The following PPP2R2B variants were observed in gnomAD, a reference collection of about 807,000 sequenced individuals.
PPP2R2B encodes protein phosphatase 2 regulatory subunit Bbeta.
In PPP2R2B, 5 loss-of-function variants were observed where a neutral mutation model predicts 46.0. The observed-to-expected ratio is 0.11, with a 90% CI of 0.06 to 0.23. The LOEUF is 0.23. PPP2R2B is among the 10% of genes least tolerant of loss of function. The pLI is 1.00. For missense variants in PPP2R2B, 367 were observed against 575.0 expected, an observed-to-expected ratio of 0.64 and a Z score of 3.70; for synonymous variants, 215 against 206.7, an observed-to-expected ratio of 1.04 and a Z score of -0.34.
At chr5:146,778,815 T>C (rs1411090697) in intron 2 of PPP2R2B, among the ~76,000 whole-genome samples, 1 of 152,200 alleles carries the variant, frequency 6.6e-6, no homozygotes, top group South Asian at 2.1e-4. Context: ...AATCAACACA[T>C]CTGTGCTTTA....
chr5:146,948,143 ACTGT>A (rs939014756), intron 1 of PPP2R2B, among the ~76,000 whole-genome samples: 2 of 151,988 alleles, frequency 1.3e-5, no homozygotes, highest in Non-Finnish European at 2.9e-5. Context: ...ACTTTTTGAG[ACTGT>A]CTGTCTCTCC....
intron 2 of PPP2R2B, among the ~76,000 whole-genome samples, chr5:146,733,478 G>T (rs1404616523): frequency 2.0e-5 from 3 of 152,132 alleles, no homozygotes; most frequent in Non-Finnish European, 4.4e-5. Flanking sequence ...GTAAATAGAA[G>T]ACTACCCATT....
At chr5:146,895,625 T>A (rs1300152520) in intron 1 of PPP2R2B, among the ~76,000 whole-genome samples, 1 of 152,224 alleles carries the variant, frequency 6.6e-6, no homozygotes, top group Non-Finnish European at 1.5e-5. Context: ...AGACTATAAC[T>A]GATTTCTTTC....
intron 1 of PPP2R2B, among the ~76,000 whole-genome samples, chr5:146,928,335 C>T (rs1054554580): frequency 1.3e-5 from 2 of 151,884 alleles, no homozygotes; most frequent in African/African-American, 4.8e-5. Context: ...GCCATCTCCA[C>T]TTGGAAATCT....
chr5:146,719,887 C>A (rs1354749576), intron 2 of PPP2R2B, among the ~76,000 whole-genome samples: 1 of 152,076 alleles, frequency 6.6e-6, no homozygotes, highest in African/African-American at 2.4e-5. Flanking sequence ...CAACATCAAG[C>A]TGGCATTCCC....
intron 1 of PPP2R2B, among the ~76,000 whole-genome samples, chr5:147,014,367 C>G (rs1448455903): frequency 6.7e-6 from 1 of 149,214 alleles, no homozygotes; most frequent in Non-Finnish European, 1.5e-5. Context: ...ACCATTTGAC[C>G]CAGCCATCCC....
At chr5:146,882,248 A>G (rs1293056595), upstream of PPP2R2B, among the ~76,000 whole-genome samples, 4 of 152,022 alleles carry the variant, frequency 2.6e-5, no homozygotes, top group East Asian at 1.9e-4. Flanking sequence ...CCTGGGAGAC[A>G]GAGCAAGACT....
chr5:147,030,595 G>T lies in PPP2R2B; in HGVS notation c.79+25070C>A, dbSNP rs184256889. On this transcript the variant is annotated intron_variant, in intron 1 of 8. Transcript: ENST00000336640. ...GGCTAGGAATGTATTTTTAACTTCT[G>T]AAATTTCCCTCTATTAGCTTGTAAC... Among the ~76,000 whole-genome samples the T allele has an allele frequency of 1.5e-4, 23 of 152,032 alleles. No individual in the cohort carries two copies. In the East Asian group the frequency reaches 4.5e-3, roughly 29 times the overall value.
At chr5:146,853,943 G>A (rs1237381789) in intron 2 of PPP2R2B, among the ~76,000 whole-genome samples, 3 of 151,806 alleles carry the variant, frequency 2.0e-5, no homozygotes, top group South Asian at 2.1e-4. Flanking sequence ...ACATTCTCTT[G>A]TACTTCCTCC....
chr5:146,637,992 ATTT>A (rs1774932435), intron 7 of PPP2R2B, among the ~76,000 whole-genome samples: 1 of 152,166 alleles, frequency 6.6e-6, no homozygotes, highest in Non-Finnish European at 1.5e-5. Context: ...TTAACACATA[ATTT>A]GGATCACATC....
At chr5:147,058,218 T>G (rs1340608391), upstream of PPP2R2B, among the ~76,000 whole-genome samples, 3 of 152,320 alleles carry the variant, frequency 2.0e-5, no homozygotes, top group East Asian at 5.8e-4. Context: ...AGATATTTTA[T>G]ACTTTTTATG....
chr5:147,025,610 T>C lies in PPP2R2B; in HGVS notation c.79+30055A>G, dbSNP rs536714340. 2.7e-4 allele frequency among the ~76,000 whole-genome samples: 41 copies of C among 152,088 alleles called. No individual in the cohort carries two copies. In the South Asian group the frequency reaches 7.5e-3, roughly 28 times the overall value. Reference sequence around the variant, plus strand: ...TTAAAAACTTCTGCTATGTAAAAGATACCGTGAAGAGAATGAAAAGATAAA... The same window carrying C: ...TTAAAAACTTCTGCTATGTAAAAGACACCGTGAAGAGAATGAAAAGATAAA... On this transcript the variant is annotated intron_variant, in intron 1 of 8. Coordinates refer to the PPP2R2B transcript ENST00000336640.
At chr5:146,744,439 A>C (rs574315092) in intron 2 of PPP2R2B, among the ~76,000 whole-genome samples, 37 of 152,340 alleles carry the variant, frequency 2.4e-4, no homozygotes, top group African/African-American at 8.7e-4. Context: ...CACAGAATTC[A>C]TTCTCTTTCC....
intron 1 of PPP2R2B, among the ~76,000 whole-genome samples, chr5:147,051,036 G>A (rs116139214): frequency 4.1e-3 from 626 of 152,150 alleles, no homozygotes; most frequent in African/African-American, 0.014. Flanking sequence ...CACTAAACCG[G>A]GATGCCAAGA....
chr5:146,706,358 C>G (rs77282119), intron 2 of PPP2R2B: 115,566 of 613,010 alleles, frequency 0.19, 11,940 homozygotes, highest in East Asian at 0.4. Context: ...GAGGCCAGAG[C>G]CTGTGAGGCC....
chr5:146,970,813 A>C (rs1409621722), intron 1 of PPP2R2B, among the ~76,000 whole-genome samples: 1 of 152,156 alleles, frequency 6.6e-6, no homozygotes, highest in Non-Finnish European at 1.5e-5. Context: ...TACAGTCACA[A>C]TGAATTTACT....
At chr5:146,824,786 C>T (rs989803996) in intron 2 of PPP2R2B, among the ~76,000 whole-genome samples, 2 of 149,740 alleles carry the variant, frequency 1.3e-5, no homozygotes, top group Admixed American at 1.3e-4. Flanking sequence ...GGTGCAATCT[C>T]GGCTCACTGT....
At chr5:146,815,220 A>G (rs554325064) in intron 2 of PPP2R2B, among the ~76,000 whole-genome samples, 1 of 152,322 alleles carries the variant, frequency 6.6e-6, no homozygotes, top group African/African-American at 2.4e-5. Flanking sequence ...CTGGATTATG[A>G]AAGTTCCTCC....
intron 1 of PPP2R2B, among the ~76,000 whole-genome samples, chr5:147,006,495 G>C (rs1754447101): frequency 6.6e-6 from 1 of 152,128 alleles, no homozygotes; most frequent in Admixed American, 6.5e-5. Flanking sequence ...CAAAGCTCAA[G>C]TCCATCAATG....
Sources: allele counts gnomAD v4.1 joint callset (sites outside exome capture counted in the v4.1 genomes callset), GRCh38; gene constraint gnomAD v4.1.1; transcripts MANE v1.5; gene names NCBI Gene and HGNC (gene_info 2026-07-23, HGNC 2026-07-21).